Variants in ANKUB1 observed in about 807,000 individuals in gnomAD.
ANKUB1 encodes ankyrin repeat and ubiquitin domain containing 1.
A neutral mutation model predicts 49.3 loss-of-function variants in ANKUB1; 42 were observed. That is an observed-to-expected ratio of 0.85 (90% CI 0.67 to 1.10). ANKUB1 has a LOEUF of 1.10. ANKUB1 is among the 50% of genes least tolerant of loss of function. ANKUB1 has a pLI of 0.00. For missense variants in ANKUB1, 613 were observed against 642.0 expected, an observed-to-expected ratio of 0.95 and a Z score of 0.49; for synonymous variants, 222 against 231.0, an observed-to-expected ratio of 0.96 and a Z score of 0.35.
intron 3 of ANKUB1, among the ~76,000 whole-genome samples, chr3:149,774,611 T>G (rs906660028): frequency 3.3e-5 from 5 of 152,234 alleles, no homozygotes; most frequent in African/African-American, 1.2e-4. Context: ...TAAATCTCCT[T>G]AACATTGGTG....
chr3:149,762,055 T>C (rs1284083754), intron 5 of ANKUB1, among the ~76,000 whole-genome samples: 1 of 152,198 alleles, frequency 6.6e-6, no homozygotes. Flanking sequence ...TTTATGATAG[T>C]TATTCTCTGG....
chr3:149,767,591 C>T lies in ANKUB1; in HGVS notation c.1071G>A (p.Met357Ile). 6.4e-7 allele frequency: 1 copy of T among 1,551,662 alleles called. No homozygotes were observed. Among genetic ancestry groups the T allele is most frequent in the Non-Finnish European group, 8.7e-7 (1 of 1,146,994 alleles). The part of the protein sequence containing the change: ...VMVDGFTKPK[M>I]TSKSWHKAGN... ...CAGCCTTATGCCAGCTCTTGGAGGT[C>T]ATTTTTGGTTTGGTGAAACCATCCA... The change falls in exon 5 of 6, where the codon ATG (methionine) becomes ATA (isoleucine). Residue 357 changes from methionine to isoleucine, a missense_variant. Transcript: ENST00000446160.
intron 4 of ANKUB1, among the ~76,000 whole-genome samples, chr3:149,770,112 ATTTTC>A (rs1254165220): frequency 7.2e-5 from 11 of 152,074 alleles, no homozygotes; most frequent in Non-Finnish European, 7.4e-5. Flanking sequence ...TTTTCTTAAT[ATTTTC>A]TTTTCTGTAG....
At chr3:149,776,430 A>G (rs1303758061) in intron 3 of ANKUB1, among the ~76,000 whole-genome samples, 1 of 152,218 alleles carries the variant, frequency 6.6e-6, no homozygotes, top group East Asian at 1.9e-4. Context: ...CAGGATCAGT[A>G]TCTGCTAACC....
rs76435467 is a variant in ANKUB1 at position 149,778,202 on chromosome 3, C to G, written c.451+2037G>C. On this transcript the variant is annotated intron_variant, in intron 3 of 5. Coordinates refer to ENST00000446160, the MANE Select transcript of ANKUB1 (RefSeq NM_001144960.3). ...TTCCTCCCTTCCCTTTGAGGTTCTT[C>G]TTTCCTTGCCTCTCCTCTGATGCTC... Among the ~76,000 whole-genome samples the G allele has an allele frequency of 2.8e-4, 42 of 152,280 alleles. No individual in the cohort carries two copies. In the East Asian group the frequency reaches 7.4e-3, roughly 27 times the overall value.
At chr3:149,767,087 G>A in intron 5 of ANKUB1, 70 bp downstream of exon 5, 1 of 1,362,352 alleles carries the variant, frequency 7.3e-7, no homozygotes, top group Non-Finnish European at 9.9e-7. Flanking sequence ...AGGGCATTAT[G>A]GACCATTCCT....
rs1576676082 is a variant in ANKUB1, at chr3:149,777,411, G to A, written c.451+2828C>T. On this transcript the variant is annotated intron_variant, in intron 3 of 5. Transcript: ENST00000446160. ...CGCTTGAACCTGGGAGGCGGAGGTC[G>A]CAGTAAGCTGAGGTCGTGCCACTGC... Among the ~76,000 whole-genome samples, 5 of 152,150 alleles carry A rather than the reference G, an allele frequency of 3.3e-5. No individual in the cohort carries two copies. In the South Asian group the frequency reaches 1.0e-3, roughly 31 times the overall value.
chr3:149,781,791 A>G (rs1717883624), intron 2 of ANKUB1, among the ~76,000 whole-genome samples: 1 of 152,264 alleles, frequency 6.6e-6, no homozygotes, highest in South Asian at 2.1e-4. Context: ...ACTTTGATCT[A>G]GGGCCCATTT....
chr3:149,779,923 T>C, intron 3 of ANKUB1: 1 of 311,692 alleles, frequency 3.2e-6, no homozygotes, highest in South Asian at 4.0e-5. Flanking sequence ...TTAGAAATAA[T>C]GCCTCCATTT....
chr3:149,776,278 G>A (rs755948026), intron 3 of ANKUB1, among the ~76,000 whole-genome samples: 1 of 152,132 alleles, frequency 6.6e-6, no homozygotes, highest in Non-Finnish European at 1.5e-5. Flanking sequence ...AGCTTTCCAT[G>A]TCTCATTTTT....
intron 2 of ANKUB1, among the ~76,000 whole-genome samples, chr3:149,782,573 G>T (rs577051680): frequency 5.3e-5 from 8 of 152,096 alleles, no homozygotes; most frequent in Admixed American, 5.2e-4. Context: ...TTGAGATAGG[G>T]TCTCACTCTG....
chr3:149,790,580 G>T (rs183189075), intron 2 of ANKUB1, among the ~76,000 whole-genome samples: 1 of 152,216 alleles, frequency 6.6e-6, no homozygotes, highest in East Asian at 1.9e-4. Context: ...AGTAAAGAGG[G>T]GGCAACTTTA....
rs558295650 is a variant in ANKUB1 at position 149,776,730 on chromosome 3, G to A, written c.451+3509C>T. On this transcript the variant is annotated intron_variant, in intron 3 of 5. Transcript: ENST00000446160. ...AATCCCAGCACTTTGGGAGGCCAAGGTGGGTGGATCACTTGAGGTCAGGAG... is the reference window on the plus strand; with the variant it reads ...AATCCCAGCACTTTGGGAGGCCAAGATGGGTGGATCACTTGAGGTCAGGAG... 3.9e-5 allele frequency among the ~76,000 whole-genome samples: 6 copies of A among 152,248 alleles called. No individual in the cohort carries two copies. The South Asian group carries it at 1.2e-3, about 32-fold the overall frequency.
intron 3 of ANKUB1, among the ~76,000 whole-genome samples, chr3:149,775,311 C>T (rs1025487966): frequency 6.6e-6 from 1 of 152,036 alleles, no homozygotes; most frequent in African/African-American, 2.4e-5. Flanking sequence ...ATGGAAGAAA[C>T]AAAATAAAAC....
chr3:149,767,503 T>C lies in ANKUB1; in HGVS notation c.1159A>G (p.Ser387Gly). The change falls in exon 5 of 6, where the codon AGC (serine) becomes GGC (glycine). Residue 387 changes from serine (S) to glycine (G), a missense_variant. Coordinates refer to ENST00000446160, the MANE Select transcript of ANKUB1 (RefSeq NM_001144960.3). ...LPSLSKQTASSKPVNPLAISQ... is the reference protein window; with the variant it reads ...LPSLSKQTASGKPVNPLAISQ... Reference sequence around the variant, plus strand: ...ATTGCCAAAGGATTGACAGGTTTGCTGCTTGCAGTTTGTTTGCTGAGAGAT... The same window carrying C: ...ATTGCCAAAGGATTGACAGGTTTGCCGCTTGCAGTTTGTTTGCTGAGAGAT... 1 of 1,551,732 alleles carries C rather than the reference T, an allele frequency of 6.4e-7. No individual in the cohort carries two copies. Among genetic ancestry groups the C allele is most frequent in the Non-Finnish European group, 8.7e-7 (1 of 1,147,006 alleles).
Position 149,761,412 on chromosome 3 carries a change from A to G in ANKUB1, c.*72T>C. 2 of 1,498,084 alleles carry G rather than the reference A, an allele frequency of 1.3e-6. No homozygotes were observed. Among genetic ancestry groups the G allele is most frequent in the Non-Finnish European group, 1.8e-6 (2 of 1,106,960 alleles). The allele number at this position is 1,498,084 out of a possible 1,614,324, so 92.8% of individuals were successfully genotyped here. On this transcript the variant is annotated 3_prime_UTR_variant, in exon 6 of 6. Transcript: ENST00000446160. ...AGATGATAACATTAGAACTGTTATT[A>G]GAAATGTTAACATTAGAACTGGACA...
intron 4 of ANKUB1, among the ~76,000 whole-genome samples, chr3:149,769,195 G>A (rs1202725127): frequency 1.3e-5 from 2 of 152,120 alleles, no homozygotes; most frequent in Non-Finnish European, 2.9e-5. Flanking sequence ...CCATGAGGGG[G>A]CACTTTTCTA....
intron 1 of ANKUB1, among the ~76,000 whole-genome samples, chr3:149,791,193 G>C (rs1466971038): frequency 6.6e-6 from 1 of 152,158 alleles, no homozygotes; most frequent in Non-Finnish European, 1.5e-5. Context: ...GCAAATTAAA[G>C]TAGGAGTAGT....
At chr3:149,764,633 T>G (rs1272961971) in intron 5 of ANKUB1, among the ~76,000 whole-genome samples, 1 of 54,764 alleles carries the variant, frequency 1.8e-5, no homozygotes, top group East Asian at 6.2e-4. Flanking sequence ...CCTTCCTCCC[T>G]TCCTCTCTCT....
Sources: gnomAD v4.1 joint callset for allele counts (sites outside exome capture counted in the v4.1 genomes callset) on GRCh38, gnomAD v4.1.1 for gene constraint, MANE v1.5 for transcripts, NCBI Gene and HGNC (gene_info 2026-07-23, HGNC 2026-07-21) for gene names.